The following DMD variants were observed in gnomAD, a reference collection of about 807,000 sequenced individuals.
DMD encodes the protein dystrophin, also known as mutant dystrophin.
DMD carries 63 observed loss-of-function variants against 330.1 expected under a neutral mutation model. That is an observed-to-expected ratio of 0.19 (90% CI 0.16 to 0.24). The LOEUF is 0.24. DMD is among the 10% of genes least tolerant of loss of function. The pLI is 1.00. For synonymous variants in DMD, 1,223 were observed against 959.8 expected, an observed-to-expected ratio of 1.27 and a Z score of -5.07; for missense variants, 3,344 against 2,684.1, an observed-to-expected ratio of 1.25 and a Z score of -5.43.
chrX:32,941,772 C>G (rs1487236997), intron 2 of DMD, among the ~76,000 whole-genome samples: 1 of 111,022 alleles, frequency 9.0e-6, no homozygotes, highest in South Asian at 3.8e-4. Flanking sequence ...ATGCTCCCTC[C>G]CATAAGGAGT....
chrX:31,988,004 A>G (rs1477231187), intron 44 of DMD, among the ~76,000 whole-genome samples: 2 of 112,110 alleles, frequency 1.8e-5, no homozygotes, highest in African/African-American at 6.5e-5. Context: ...TTATTGAGTC[A>G]TATAAAAGAA....
At chrX:31,820,422 A>G (rs768580212) in intron 49 of DMD, among the ~76,000 whole-genome samples, 1 of 112,245 alleles carries the variant, frequency 8.9e-6, no homozygotes, top group South Asian at 3.7e-4. Flanking sequence ...GTTGCATACT[A>G]AAATTATCCA....
At chrX:32,628,504 T>C (rs5928052) in intron 11 of DMD, among the ~76,000 whole-genome samples, 1 of 108,325 alleles carries the variant, frequency 9.2e-6, no homozygotes, top group Non-Finnish European at 1.9e-5. Flanking sequence ...CATTTTGTTG[T>C]ACTTTAATGT....
At chrX:31,820,598 A>G (rs918726946) in intron 49 of DMD, among the ~76,000 whole-genome samples, 1 of 111,976 alleles carries the variant, frequency 8.9e-6, no homozygotes, top group Non-Finnish European at 1.9e-5. Context: ...GACATTCTTC[A>G]ACTGTCAGTC....
intron 29 of DMD, among the ~76,000 whole-genome samples, chrX:32,417,822 TACACAC>T (rs397933423): frequency 6.6e-5 from 7 of 105,338 alleles, no homozygotes; most frequent in African/African-American, 1.0e-4. Context: ...GTATCTCTGT[TACACAC>T]ACACACACAC....
At chrX:31,178,332 G>C in intron 70 of DMD, 9 of 972,166 alleles carry the variant, frequency 9.3e-6, no homozygotes, top group Non-Finnish European at 6.5e-6. Flanking sequence ...TGATTTGTGA[G>C]AGAGGAAAAT....
At chrX:32,686,270 C>A (rs1237804656) in intron 9 of DMD, among the ~76,000 whole-genome samples, 1 of 111,540 alleles carries the variant, frequency 9.0e-6, no homozygotes, top group Admixed American at 9.6e-5. Context: ...AGGAATATAT[C>A]TGTATGGCCG....
intron 29 of DMD, among the ~76,000 whole-genome samples, chrX:32,416,137 T>C (rs1224392658): frequency 2.7e-5 from 3 of 111,865 alleles, no homozygotes; most frequent in Admixed American, 1.9e-4. Flanking sequence ...AACCAAAAAA[T>C]GTATTTAACA....
chrX:31,190,756 G>C (rs184387649), intron 67 of DMD, among the ~76,000 whole-genome samples: 1,362 of 109,900 alleles, frequency 0.012, 10 homozygotes, highest in Non-Finnish European at 0.021. Flanking sequence ...CCAAGGTTGA[G>C]AAACCCTGCC....
rs1212336405 is a variant in DMD at position 32,252,823 on chromosome X, AATAT to A, written c.6290+34702_6290+34705del. Among the ~76,000 whole-genome samples the A allele has an allele frequency of 5.2e-3, 290 of 55,948 alleles. 17 individuals carry two copies. Among genetic ancestry groups the A allele is most frequent in the African/African-American group, 0.026 (278 of 10,529 alleles). 48.6% of individuals were successfully genotyped at this position (55,948 alleles called of 115,157 possible). A position where few individuals can be genotyped will look rare whatever the true frequency, so the allele number is the denominator to read the frequency against. ...ATATATAAATATATATAAGTATATAAATATATATAAATATATATAAATATATAAA... is the reference window on the plus strand; with the variant it reads ...ATATATAAATATATATAAGTATATAAATATAAATATATATAAATATATAAA... On this transcript the variant is annotated intron_variant, in intron 43 of 78. Coordinates refer to ENST00000357033, the MANE Select transcript of DMD (RefSeq NM_004006.3).
chrX:32,926,721 C>T (rs1449184068), intron 2 of DMD, among the ~76,000 whole-genome samples: 1 of 103,667 alleles, frequency 9.6e-6, no homozygotes. Context: ...CACTGCACTC[C>T]TGCCTGGGAG....
At chrX:33,015,511 G>A (rs765606237) in intron 2 of DMD, among the ~76,000 whole-genome samples, 6 of 110,551 alleles carry the variant, frequency 5.4e-5, no homozygotes, top group Non-Finnish European at 1.1e-4. Flanking sequence ...GGAGCTTATC[G>A]GAAGGTGGAG....
At chrX:32,219,503 C>T (rs1023135904) in intron 43 of DMD, among the ~76,000 whole-genome samples, 3 of 111,307 alleles carry the variant, frequency 2.7e-5, no homozygotes, top group South Asian at 3.8e-4. Flanking sequence ...TATTGAGAGT[C>T]AGAAAAATGA....
chrX:31,198,045 A>AAAG (rs1214172669), intron 67 of DMD, among the ~76,000 whole-genome samples: 1 of 103,853 alleles, frequency 9.6e-6, no homozygotes, highest in Admixed American at 1.0e-4. Context: ...AAAAAAAAAA[A>AAAG]ATTGAACTCA....
intron 18 of DMD, chrX:32,516,735 G>A (rs2045897734): frequency 1.8e-5 from 2 of 111,182 alleles, no homozygotes; most frequent in Admixed American, 1.9e-4. Context: ...ACTACTAAGA[G>A]AATTTCCCTC....
chrX:32,814,645 A>G (rs1030396902), intron 6 of DMD, among the ~76,000 whole-genome samples: 1 of 112,190 alleles, frequency 8.9e-6, no homozygotes, highest in African/African-American at 3.2e-5. Flanking sequence ...GATTCATCCA[A>G]TATGACAGGA....
chrX:31,245,972 C>T (rs1009633783), intron 63 of DMD, among the ~76,000 whole-genome samples: 2 of 111,943 alleles, frequency 1.8e-5, no homozygotes, highest in African/African-American at 6.5e-5. Flanking sequence ...AATGATTGAG[C>T]TTAGTGAGGA....
intron 42 of DMD, among the ~76,000 whole-genome samples, chrX:32,297,255 AT>A (rs1266194368): frequency 5.8e-5 from 6 of 102,947 alleles, no homozygotes; most frequent in South Asian, 8.4e-4. Flanking sequence ...TTATTTATTT[AT>A]TTATTTATTT....
chrX:31,763,919 A>C (rs12011088), intron 51 of DMD, among the ~76,000 whole-genome samples: 1 of 110,921 alleles, frequency 9.0e-6, no homozygotes, highest in Non-Finnish European at 1.9e-5. Flanking sequence ...TCCATTGCCC[A>C]GGTTGGAATC....
Sources: allele counts gnomAD v4.1 joint callset (sites outside exome capture counted in the v4.1 genomes callset), GRCh38; gene constraint gnomAD v4.1.1; transcripts MANE v1.5; gene names NCBI Gene and HGNC (gene_info 2026-07-23, HGNC 2026-07-21).